Variants in MAP3K5 observed in about 807,000 individuals in gnomAD.
The protein encoded by MAP3K5 is ASK-1.
MAP3K5 carries 56 observed loss-of-function variants against 158.7 expected under a neutral mutation model. The ratio of observed to expected loss-of-function variants is 0.35; its 90% CI spans 0.28 to 0.44. The LOEUF is 0.44. Ranked by LOEUF, MAP3K5 falls within the 20% of genes least tolerant of loss-of-function variation. The pLI, the probability that MAP3K5 is intolerant of heterozygous loss-of-function variation, is 1.00. For missense variants in MAP3K5, 1,294 were observed against 1,674.8 expected (o/e 0.77, Z 3.97); for synonymous variants, 579 against 601.7 (o/e 0.96, Z 0.55).
intron 1 of MAP3K5, among the ~76,000 whole-genome samples, chr6:136,778,343 A>G (rs938315843): frequency 6.6e-6 from 1 of 152,202 alleles, no homozygotes; most frequent in Admixed American, 6.5e-5. Flanking sequence ...TAGCAGTAAT[A>G]AACCCTGTTC....
At chr6:136,632,060 GT>G (rs1351894548) in intron 14 of MAP3K5, among the ~76,000 whole-genome samples, 1 of 152,198 alleles carries the variant, frequency 6.6e-6, no homozygotes, top group Non-Finnish European at 1.5e-5. Flanking sequence ...GAGGAGAAAA[GT>G]TTGTGAGGTT....
At chr6:136,611,937 T>C (rs111840578) in intron 17 of MAP3K5, among the ~76,000 whole-genome samples, 1,846 of 152,320 alleles carry the variant, frequency 0.012, 38 homozygotes, top group African/African-American at 0.043. Flanking sequence ...ATTGTAGAAC[T>C]GAAGACTGGC....
chr6:136,746,042 G>A (rs1466689371), intron 1 of MAP3K5, among the ~76,000 whole-genome samples: 4 of 152,200 alleles, frequency 2.6e-5, no homozygotes, highest in Non-Finnish European at 5.9e-5. Context: ...GGAGACAGCT[G>A]CATGGGTCCA....
intron 7 of MAP3K5, 65 bp from the exon 8 acceptor site, chr6:136,669,460 T>G (rs1483965336): frequency 1.1e-6 from 1 of 916,412 alleles, no homozygotes; most frequent in African/African-American, 1.7e-5. Context: ...GTGTAATAGC[T>G]TCTGTTTGTA....
In MAP3K5 at chr6:136,697,416, T is replaced by A. The variant is rs779577097; in HGVS notation, c.807-29A>T. On this transcript the variant is annotated intron_variant, in intron 4 of 29. Coordinates refer to ENST00000359015, the MANE Select transcript of MAP3K5 (RefSeq NM_005923.4). ...GTAAAAACACACACATTTCAAAGAG[T>A]TTGACATTAGAAACAATTTCAATGA... The A allele has an allele frequency of 3.9e-6, 6 of 1,545,884 alleles. No individual in the cohort carries two copies. The South Asian group carries it at 6.0e-5, about 15-fold the overall frequency.
intron 1 of MAP3K5, among the ~76,000 whole-genome samples, chr6:136,760,728 G>A (rs1387912390): frequency 6.6e-6 from 1 of 152,206 alleles, no homozygotes; most frequent in Non-Finnish European, 1.5e-5. Flanking sequence ...CCAGCACTTT[G>A]GGAGGCTGAG....
At chr6:136,733,732 C>CCCATTGTCAACATCCCCCG (rs1217769356) in intron 1 of MAP3K5, among the ~76,000 whole-genome samples, 1 of 152,048 alleles carries the variant, frequency 6.6e-6, no homozygotes, top group African/African-American at 2.4e-5. Flanking sequence ...CACAGCCTCC[C>CCCATTGTCAACATCCCCCG]CCATTGTCAA....
chr6:136,770,332 T>C (rs1289433493), intron 1 of MAP3K5, among the ~76,000 whole-genome samples: 1 of 152,160 alleles, frequency 6.6e-6, no homozygotes, highest in Non-Finnish European at 1.5e-5. Context: ...AAAGGTTAAA[T>C]TATCTTCAGT....
intron 23 of MAP3K5, among the ~76,000 whole-genome samples, chr6:136,585,554 C>T (rs913873353): frequency 6.6e-6 from 1 of 151,028 alleles, no homozygotes; most frequent in Non-Finnish European, 1.5e-5. Flanking sequence ...GGCTGGAGTG[C>T]AGTGGCTCCA....
chr6:136,751,478 T>C (rs1783206157), intron 1 of MAP3K5, among the ~76,000 whole-genome samples: 1 of 152,252 alleles, frequency 6.6e-6, no homozygotes, highest in African/African-American at 2.4e-5. Context: ...GGCCTGCTTA[T>C]TTCTTCCTTC....
chr6:136,761,896 G>A (rs1361473938), intron 1 of MAP3K5, among the ~76,000 whole-genome samples: 4 of 152,200 alleles, frequency 2.6e-5, no homozygotes, highest in African/African-American at 7.2e-5. Flanking sequence ...GCCCACTTGA[G>A]ACCAGAAAAG....
intron 9 of MAP3K5, among the ~76,000 whole-genome samples, chr6:136,656,845 C>T (rs754278233): frequency 3.9e-5 from 6 of 152,226 alleles, no homozygotes; most frequent in Non-Finnish European, 5.9e-5. Context: ...TGGTCTCGAA[C>T]TCCTGACCTC....
At chr6:136,665,038 C>T (rs1281909389) in intron 8 of MAP3K5, among the ~76,000 whole-genome samples, 3 of 152,166 alleles carry the variant, frequency 2.0e-5, no homozygotes, top group East Asian at 3.9e-4. Flanking sequence ...ATTAGTGATA[C>T]AAGGATGGAT....
chr6:136,670,497 G>A (rs1175387719), intron 7 of MAP3K5, among the ~76,000 whole-genome samples: 1 of 151,962 alleles, frequency 6.6e-6, no homozygotes, highest in Non-Finnish European at 1.5e-5. Context: ...AAAAGGTTAT[G>A]TGGGAAGAAA....
intron 25 of MAP3K5, among the ~76,000 whole-genome samples, chr6:136,574,739 A>C (rs1266664505): frequency 1.6e-5 from 2 of 124,944 alleles, no homozygotes; most frequent in Non-Finnish European, 3.1e-5. Context: ...CCCAGGCTGG[A>C]GTGCAGTGGC....
intron 25 of MAP3K5, among the ~76,000 whole-genome samples, chr6:136,573,441 T>C (rs1774459852): frequency 6.6e-6 from 1 of 152,226 alleles, no homozygotes; most frequent in African/African-American, 2.4e-5. Flanking sequence ...CATGAGCCAA[T>C]TCCCATTATA....
At chr6:136,727,365 T>C (rs1162663494) in intron 1 of MAP3K5, among the ~76,000 whole-genome samples, 2 of 152,216 alleles carry the variant, frequency 1.3e-5, no homozygotes, top group Non-Finnish European at 2.9e-5. Context: ...GGTAGTATTA[T>C]TTCAGGACAC....
intron 26 of MAP3K5, among the ~76,000 whole-genome samples, chr6:136,562,859 T>A (rs1281217224): frequency 6.9e-6 from 1 of 144,316 alleles, no homozygotes; most frequent in East Asian, 2.1e-4. Flanking sequence ...TTTTTTTTTG[T>A]AGAGACAGAG....
chr6:136,689,289 G>C (rs1410511428), intron 7 of MAP3K5, among the ~76,000 whole-genome samples: 2 of 152,200 alleles, frequency 1.3e-5, no homozygotes, highest in East Asian at 3.8e-4. Flanking sequence ...AACAGAGCAA[G>C]ACACTATTTC....
Sources: allele counts gnomAD v4.1 joint callset (sites outside exome capture counted in the v4.1 genomes callset), GRCh38; gene constraint gnomAD v4.1.1; transcripts MANE v1.5; gene names NCBI Gene and HGNC (gene_info 2026-07-23, HGNC 2026-07-21).